RNF150: variants seen among roughly 807,000 people sequenced by gnomAD.
The protein encoded by RNF150 is ring finger protein 150.
RNF150 carries 24 observed loss-of-function variants against 39.3 expected under a neutral mutation model. That is an observed-to-expected ratio of 0.61 (90% CI 0.44 to 0.86). The LOEUF (loss-of-function observed/expected upper bound fraction) is 0.86. Ranked by LOEUF, RNF150 falls within the 40% of genes least tolerant of loss-of-function variation. The pLI is 0.00. For missense variants in RNF150, 502 were observed against 587.8 expected, an observed-to-expected ratio of 0.85 and a Z score of 1.51; for synonymous variants, 255 against 227.3, an observed-to-expected ratio of 1.12 and a Z score of -1.10.
At chr4:141,180,887 G>A (rs898648108) in intron 1 of RNF150, among the ~76,000 whole-genome samples, 1 of 152,010 alleles carries the variant, frequency 6.6e-6, no homozygotes, top group Non-Finnish European at 1.5e-5. Context: ...TTTACACCAG[G>A]TTACAGTATT....
At chr4:141,154,498 G>A (rs980002412) in intron 1 of RNF150, among the ~76,000 whole-genome samples, 20 of 152,158 alleles carry the variant, frequency 1.3e-4, no homozygotes, top group African/African-American at 4.8e-4. Flanking sequence ...ATGCTGGGGG[G>A]CTGGGGAAGA....
At position 141,203,771 on chromosome 4, in the gene RNF150, GC is replaced by G. The variant is rs1728330721; in HGVS notation, c.-6+9022del. Among the ~76,000 whole-genome samples the G allele has an allele frequency of 2.0e-5, 3 of 151,936 alleles. No individual in the cohort carries two copies. The South Asian group carries it at 6.3e-4, about 32-fold the overall frequency. Reference sequence around the variant, plus strand: ...CTGAGAAGGAAAGGCATGGGTTTGGGCACAAAAACAACAGCAGCAACAGCAT... The same window carrying G: ...CTGAGAAGGAAAGGCATGGGTTTGGGACAAAAACAACAGCAGCAACAGCAT... On this transcript the variant is annotated intron_variant, in intron 1 of 7. Transcript: ENST00000420921.
At chr4:141,177,311 A>G (rs1000906290) in intron 1 of RNF150, among the ~76,000 whole-genome samples, 1 of 152,160 alleles carries the variant, frequency 6.6e-6, no homozygotes, top group African/African-American at 2.4e-5. Context: ...TTGCTGCTCC[A>G]TTCTGATACA....
At chr4:141,184,991 T>C (rs530057619) in intron 1 of RNF150, among the ~76,000 whole-genome samples, 1 of 139,582 alleles carries the variant, frequency 7.2e-6, no homozygotes, top group Non-Finnish European at 1.5e-5. Context: ...TTGCTTCAGA[T>C]TGTCTTGGCT....
In RNF150 at chr4:141,055,898, A is replaced by G. The variant is rs115329575; in HGVS notation, c.484+76427T>C. Among the ~76,000 whole-genome samples, 918 of 152,286 alleles carry G rather than the reference A, an allele frequency of 6.0e-3. 11 individuals carry two copies. Among genetic ancestry groups the G allele is most frequent in the African/African-American group, 0.021 (876 of 41,574 alleles). On this transcript the variant is annotated intron_variant, in intron 1 of 6. Transcript: ENST00000515673. ...ACACTTCAGAAACTTTTATTCATAT[A>G]CCCCACACACAGGTGTGCACTTTGA...
At chr4:141,007,900 G>A (rs919907838) in intron 1 of RNF150, among the ~76,000 whole-genome samples, 1 of 152,174 alleles carries the variant, frequency 6.6e-6, no homozygotes, top group Non-Finnish European at 1.5e-5. Context: ...AAATTTTTGT[G>A]AGTGTAAGTA....
At chr4:141,209,008 G>GT (rs1334066765) in intron 1 of RNF150, among the ~76,000 whole-genome samples, 3 of 152,040 alleles carry the variant, frequency 2.0e-5, no homozygotes, top group African/African-American at 7.3e-5. Context: ...TAATTAACTG[G>GT]TTTTTTTCAG....
At chr4:140,900,650 G>A (rs1409420653) in intron 6 of RNF150, among the ~76,000 whole-genome samples, 1 of 152,132 alleles carries the variant, frequency 6.6e-6, no homozygotes, top group African/African-American at 2.4e-5. Flanking sequence ...CTACATCTTG[G>A]AAACTGACAA....
At chr4:141,004,494 A>G (rs1447207233) in intron 1 of RNF150, among the ~76,000 whole-genome samples, 3 of 152,156 alleles carry the variant, frequency 2.0e-5, no homozygotes, top group Non-Finnish European at 4.4e-5. Context: ...AAAGTCTATA[A>G]TTTTCCACAT....
intron 1 of RNF150, among the ~76,000 whole-genome samples, chr4:141,049,382 T>C (rs1439250473): frequency 6.6e-6 from 1 of 151,762 alleles, no homozygotes; most frequent in African/African-American, 2.4e-5. Flanking sequence ...AAAATTAATG[T>C]CAAAAAGCTT....
chr4:141,096,764 A>G (rs937204679), intron 1 of RNF150, among the ~76,000 whole-genome samples: 1 of 152,232 alleles, frequency 6.6e-6, no homozygotes, highest in Non-Finnish European at 1.5e-5. Flanking sequence ...TGATTTACAA[A>G]ACCACATATT....
intron 1 of RNF150, among the ~76,000 whole-genome samples, chr4:141,172,102 G>A (rs553088834): frequency 6.6e-6 from 1 of 152,040 alleles, no homozygotes; most frequent in Non-Finnish European, 1.5e-5. Flanking sequence ...ACAGCAATAG[G>A]GTTTTATTTT....
intron 1 of RNF150, among the ~76,000 whole-genome samples, chr4:141,027,157 C>T (rs1236160432): frequency 1.3e-5 from 2 of 152,236 alleles, no homozygotes; most frequent in East Asian, 3.9e-4. Context: ...GGAGAGGAGT[C>T]ACAGACAACT....
intron 1 of RNF150, among the ~76,000 whole-genome samples, chr4:141,086,608 A>C (rs1258751962): frequency 2.6e-5 from 4 of 152,052 alleles, no homozygotes. Context: ...AAAGGCTTAT[A>C]TTAAACTGCT....
At chr4:140,894,488 T>C (rs1163155622) in intron 6 of RNF150, among the ~76,000 whole-genome samples, 1 of 152,228 alleles carries the variant, frequency 6.6e-6, no homozygotes, top group African/African-American at 2.4e-5. Flanking sequence ...CTTTTTGGGA[T>C]GATTACTGAT....
chr4:140,896,889 A>G (rs1729980667), intron 6 of RNF150, among the ~76,000 whole-genome samples: 1 of 152,288 alleles, frequency 6.6e-6, no homozygotes, highest in African/African-American at 2.4e-5. Flanking sequence ...AGCCATTATT[A>G]TAATAATCAA....
At chr4:140,903,587 T>C (rs1730268225) in intron 6 of RNF150, among the ~76,000 whole-genome samples, 1 of 152,234 alleles carries the variant, frequency 6.6e-6, no homozygotes, top group African/African-American at 2.4e-5. Flanking sequence ...TGTCAGTGTC[T>C]GGTAAACTGC....
At chr4:141,001,112 T>C (rs1734653363) in intron 1 of RNF150, among the ~76,000 whole-genome samples, 1 of 152,236 alleles carries the variant, frequency 6.6e-6, no homozygotes, top group Non-Finnish European at 1.5e-5. Flanking sequence ...TTCCCATATC[T>C]GTACTTGATC....
chr4:141,128,103 G>A (rs1726798520), intron 1 of RNF150, among the ~76,000 whole-genome samples: 1 of 152,154 alleles, frequency 6.6e-6, no homozygotes, highest in African/African-American at 2.4e-5. Context: ...GGTAAATAAG[G>A]AGTTCTTTCC....
Sources: allele counts gnomAD v4.1 joint callset (sites outside exome capture counted in the v4.1 genomes callset), GRCh38; gene constraint gnomAD v4.1.1; transcripts MANE v1.5; gene names NCBI Gene and HGNC (gene_info 2026-07-23, HGNC 2026-07-21).